The following SNX19 variants were observed in gnomAD, a reference collection of about 807,000 sequenced individuals.
SNX19 encodes sorting nexin-19.
Under a neutral mutation model 85.2 loss-of-function variants are expected in SNX19, and 60 were observed. The ratio of observed to expected loss-of-function variants is 0.70; its 90% CI spans 0.57 to 0.87. The LOEUF is 0.87. SNX19 is among the 40% of genes least tolerant of loss of function. The pLI, the probability that SNX19 is intolerant of heterozygous loss-of-function variation, is 0.00. For missense variants in SNX19, 1,201 were observed against 1,217.8 expected, an observed-to-expected ratio of 0.99 and a Z score of 0.21; for synonymous variants, 520 against 470.0, an observed-to-expected ratio of 1.11 and a Z score of -1.38.
rs190305789 is a variant in SNX19, at chr11:130,868,242, C to A, written c.*10180G>T. Reference sequence around the variant, plus strand: ...TCCTACTGACAGGAAGAGAATTAGCCTCCTTTGGTGTTACTGCTCCTTCCC... The same window carrying A: ...TCCTACTGACAGGAAGAGAATTAGCATCCTTTGGTGTTACTGCTCCTTCCC... On this transcript the variant is annotated 3_prime_UTR_variant, in exon 11 of 11. Transcript: ENST00000265909. 1 of 152,314 alleles carries A rather than the reference C, an allele frequency of 6.6e-6. No homozygotes were observed. The highest frequency in any genetic ancestry group is 1.9e-4 in the East Asian group (1 of 5,176). The allele number at this position is 152,314 out of a possible 1,614,324, so 9.4% of individuals were successfully genotyped here. A position where few individuals can be genotyped will look rare whatever the true frequency, so the allele number is the denominator to read the frequency against.
intron 8 of SNX19, among the ~76,000 whole-genome samples, chr11:130,887,893 T>C (rs1438367151): frequency 2.0e-5 from 3 of 152,208 alleles, no homozygotes; most frequent in African/African-American, 4.8e-5. Context: ...TAGCTTTTCT[T>C]TTAAAATGAT....
Position 130,875,150 on chromosome 11 carries a change from T to C in SNX19, c.*3272A>G, listed in dbSNP as rs7926167. On this transcript the variant is annotated 3_prime_UTR_variant, in exon 11 of 11. Transcript: ENST00000265909. ...ATGAATGAACAAAGAAAATGTGGCA[T>C]AGCCATACAATGGAATGTTTTCAGC... Among the ~76,000 whole-genome samples the C allele has an allele frequency of 0.44, 66,559 of 152,100 alleles. 14,849 individuals are homozygous for C. The highest frequency in any genetic ancestry group is 0.56 in the South Asian group (2,724 of 4,824).
intron 2 of SNX19, among the ~76,000 whole-genome samples, chr11:130,911,211 G>A (rs6590539): frequency 0.99 from 145,874 of 146,642 alleles, 72,555 homozygotes; most frequent in South Asian, 1. Context: ...AAAAAAAAAA[G>A]GTTCCCCATG....
rs1945959479 is a variant in SNX19, at chr11:130,909,893, G to C, written c.2034+125C>G. 3.2e-6 allele frequency: 4 copies of C among 1,247,086 alleles called. No homozygotes were observed. The South Asian group carries it at 5.8e-5, about 18-fold the overall frequency. The allele number at this position is 1,247,086 out of a possible 1,614,324, so 77.3% of individuals were successfully genotyped here. A position where few individuals can be genotyped will look rare whatever the true frequency, so the allele number is the denominator to read the frequency against. ...TGACAATTTAAGTCCATGTTCTATT[G>C]ACGGCTCTGTGCTGCCCCTTCCCAC... On this transcript the variant is annotated intron_variant, in intron 4 of 10. Transcript: ENST00000265909.
In SNX19 at chr11:130,915,235, GCGTC is replaced by G; in HGVS notation, c.701_704del (p.Gly234AlafsTer3). ...ATGTGATGAGTTCGACCACTACATG[GCGTC>G]CGGTACGAGTCTCCAAGTGGGGCTT... On this transcript the variant is annotated frameshift_variant, in exon 1 of 11. Coordinates refer to ENST00000265909, the MANE Select transcript of SNX19 (RefSeq NM_014758.3). LOFTEE classifies it high-confidence loss of function. 6.2e-7 allele frequency: 1 copy of G among 1,614,218 alleles called. No homozygotes were observed. Among genetic ancestry groups the G allele is most frequent in the Non-Finnish European group, 8.5e-7 (1 of 1,180,044 alleles).
rs1415771145 is a variant in SNX19, at chr11:130,870,689, A to G, written c.*7733T>C. Among the ~76,000 whole-genome samples, 1 of 152,244 alleles carries G rather than the reference A, an allele frequency of 6.6e-6. No individual in the cohort carries two copies. The highest frequency in any genetic ancestry group is 2.4e-5 in the African/African-American group (1 of 41,462). On this transcript the variant is annotated 3_prime_UTR_variant, in exon 11 of 11. Transcript: ENST00000265909. ...GGATGTGGAAGGTTGGGAGAAAGGA[A>G]TCAACAAAATGAAAGTAACAGTATC...
intron 8 of SNX19, 57 bp from the exon 9 acceptor site, chr11:130,880,863 G>T: frequency 7.2e-7 from 1 of 1,395,560 alleles, no homozygotes; most frequent in Non-Finnish European, 9.8e-7. Flanking sequence ...AAATAACAAG[G>T]CAGCGGACTG....
chr11:130,892,701 G>A (rs551774234), intron 8 of SNX19: 66 of 152,346 alleles, frequency 4.3e-4, no homozygotes, highest in African/African-American at 1.5e-3. Context: ...TGGATAATAT[G>A]AAAACTCTAT....
In SNX19 at chr11:130,870,837, A is replaced by T. The variant is rs1050088655; in HGVS notation, c.*7585T>A. On this transcript the variant is annotated 3_prime_UTR_variant, in exon 11 of 11. Transcript: ENST00000265909. Reference sequence around the variant, plus strand: ...ATATACATATAGTTGGGGGGGGGGCATAAGGACATAATAGGACTAAAAAAG... The same window carrying T: ...ATATACATATAGTTGGGGGGGGGGCTTAAGGACATAATAGGACTAAAAAAG... Among the ~76,000 whole-genome samples the T allele has an allele frequency of 6.6e-6, 1 of 150,842 alleles. No individual in the cohort carries two copies. Among genetic ancestry groups the T allele is most frequent in the Admixed American group, 6.6e-5 (1 of 15,156 alleles).
chr11:130,886,735 T>C (rs1371551454), intron 8 of SNX19, among the ~76,000 whole-genome samples: 1 of 152,186 alleles, frequency 6.6e-6, no homozygotes, highest in Admixed American at 6.5e-5. Flanking sequence ...TGATAAAAGT[T>C]ATACTTCTTT....
At chr11:130,902,051 T>G (rs1261499764) in intron 8 of SNX19, among the ~76,000 whole-genome samples, 1 of 152,194 alleles carries the variant, frequency 6.6e-6, no homozygotes, top group Non-Finnish European at 1.5e-5. Context: ...ACATCAGTCT[T>G]AAGGCTACAA....
In SNX19 at chr11:130,871,337, G is replaced by C. The variant is rs780121786; in HGVS notation, c.*7085C>G. Among the ~76,000 whole-genome samples the C allele has an allele frequency of 2.0e-5, 3 of 152,160 alleles. No homozygotes were observed. Among genetic ancestry groups the C allele is most frequent in the Non-Finnish European group, 2.9e-5 (2 of 68,022 alleles). The stretch of plus-strand genomic sequence containing the variant: ...AAGCCACTTGCATTTATAGATAACA[G>C]AGGGTAAACTTTAAACACAACTGCA... On this transcript the variant is annotated 3_prime_UTR_variant, in exon 11 of 11. Transcript: ENST00000265909.
rs1946404807 is a variant in SNX19 at position 130,914,687 on chromosome 11, G to A, written c.1253C>T (p.Ala418Val). ...CTCCTCAGCCTCTGCTCCTTCAGAT[G>A]CCTCACCATCTTTGGGTTCCAGAGC... is the stretch of plus-strand genomic sequence containing the variant. ...SQALEPKDGEASEGAEAEEGP... is the reference protein window; with the variant it reads ...SQALEPKDGEVSEGAEAEEGP... Residue 418 changes from alanine (A) to valine (V), a missense_variant, in exon 1 of 11, where the codon GCA becomes GTA. Ala to Val is a moderately conservative substitution (Grantham distance 64). Coordinates refer to ENST00000265909, the MANE Select transcript of SNX19 (RefSeq NM_014758.3). The A allele has an allele frequency of 6.2e-7, 1 of 1,613,928 alleles. No homozygotes were observed.
rs910704867 is a variant in SNX19, at chr11:130,880,962, T to C, written c.2574-156A>G. 8 of 524,416 alleles carry C rather than the reference T, an allele frequency of 1.5e-5. No individual in the cohort carries two copies. In the Middle Eastern group the frequency reaches 1.9e-3, roughly 126 times the overall value. The allele number at this position is 524,416 out of a possible 1,614,324, so 32.5% of individuals were successfully genotyped here. ...GAGGTGGGGCCTTTGGGGAGGTGAT[T>C]AGGTCATGGGGGCAAAGGTAAATGC... On this transcript the variant is annotated intron_variant, in intron 8 of 10. Transcript: ENST00000265909.
At chr11:130,906,941 G>C (rs1051710301) in intron 5 of SNX19, among the ~76,000 whole-genome samples, 1 of 152,192 alleles carries the variant, frequency 6.6e-6, no homozygotes, top group Non-Finnish European at 1.5e-5. Context: ...CATACACTAA[G>C]CTATGTCTAC....
At chr11:130,903,162 T>G in intron 8 of SNX19, 93 bp downstream of exon 8, 1 of 1,549,682 alleles carries the variant, frequency 6.5e-7, no homozygotes. Flanking sequence ...TATCTTCTCT[T>G]ACGGCTGCAG....
Position 130,878,212 on chromosome 11 carries a change from AG to A in SNX19, c.*209del. 1 of 427,750 alleles carries A rather than the reference AG, an allele frequency of 2.3e-6. No individual in the cohort carries two copies. Among genetic ancestry groups the A allele is most frequent in the Non-Finnish European group, 4.2e-6 (1 of 240,932 alleles). The allele number at this position is 427,750 out of a possible 1,614,324, so 26.5% of individuals were successfully genotyped here. A position where few individuals can be genotyped will look rare whatever the true frequency, so the allele number is the denominator to read the frequency against. On this transcript the variant is annotated 3_prime_UTR_variant, in exon 11 of 11. Coordinates refer to ENST00000265909, the MANE Select transcript of SNX19 (RefSeq NM_014758.3). ...CCAGCAACAATCCCAACATCACAAA[AG>A]GAACAGGGAAATAAACGTGCATACA...
At chr11:130,894,824 C>G (rs966379579) in intron 8 of SNX19, 1 of 985,340 alleles carries the variant, frequency 1.0e-6, no homozygotes, top group Non-Finnish European at 1.2e-6. Flanking sequence ...CTAAATGACA[C>G]CTATCTCACA....
At chr11:130,891,495 C>T (rs1944491690) in intron 8 of SNX19, among the ~76,000 whole-genome samples, 2 of 152,064 alleles carry the variant, frequency 1.3e-5, no homozygotes, top group Non-Finnish European at 2.9e-5. Context: ...GAAATAGGCC[C>T]AGAGGATAGA....
Sources: gnomAD v4.1 joint callset for allele counts (sites outside exome capture counted in the v4.1 genomes callset) on GRCh38, gnomAD v4.1.1 for gene constraint, MANE v1.5 for transcripts, NCBI Gene and HGNC (gene_info 2026-07-23, HGNC 2026-07-21) for gene names.